Variants in PSD3 observed in about 807,000 individuals in gnomAD.
The protein encoded by PSD3 is PH and SEC7 domain-containing protein 3.
In PSD3, 49 loss-of-function variants were observed where a neutral mutation model predicts 105.5. That is an observed-to-expected ratio of 0.46 (90% CI 0.37 to 0.59). PSD3 has a LOEUF of 0.59. Ranked by LOEUF, PSD3 falls within the 20% of genes least tolerant of loss-of-function variation. PSD3 has a pLI of 0.00. For missense variants in PSD3, 1,561 were observed against 1,263.8 expected, an observed-to-expected ratio of 1.24 and a Z score of -3.57; for synonymous variants, 557 against 457.8, an observed-to-expected ratio of 1.22 and a Z score of -2.77.
Position 18,712,145 on chromosome 8 carries a change from A to AGT in PSD3, c.2172+53302_2172+53303dup, listed in dbSNP as rs1437571999. On this transcript the variant is annotated intron_variant, in intron 9 of 15. Coordinates refer to ENST00000327040, the MANE Select transcript of PSD3 (RefSeq NM_015310.4). The stretch of plus-strand genomic sequence containing the variant: ...AAGCAATGTTAAGAGGGACATTTAC[A>AGT]GTACTAAATGCCCACAGCAAAAAGC... Among the ~76,000 whole-genome samples, 9 of 152,276 alleles carry AGT rather than the reference A, an allele frequency of 5.9e-5. No individual in the cohort carries two copies. The East Asian group carries it at 1.7e-3, about 29-fold the overall frequency.
At chr8:18,689,486 A>T (rs1356727839) in intron 9 of PSD3, among the ~76,000 whole-genome samples, 2 of 152,160 alleles carry the variant, frequency 1.3e-5, no homozygotes. Context: ...TATAAATACC[A>T]ATTGTCTAGA....
chr8:19,047,556 T>C (rs940183060), intron 1 of PSD3, among the ~76,000 whole-genome samples: 1 of 152,080 alleles, frequency 6.6e-6, no homozygotes, highest in South Asian at 2.1e-4. Flanking sequence ...GAGGGAGCTA[T>C]AGAGTTTGAG....
chr8:18,827,206 T>C (rs545078010), intron 4 of PSD3, among the ~76,000 whole-genome samples: 5 of 152,244 alleles, frequency 3.3e-5, no homozygotes. Context: ...GAAAACTATA[T>C]GCAAGACAGA....
At chr8:18,796,627 G>T (rs1406508068) in intron 8 of PSD3, among the ~76,000 whole-genome samples, 1 of 152,128 alleles carries the variant, frequency 6.6e-6, no homozygotes, top group African/African-American at 2.4e-5. Flanking sequence ...TAAAGGAAAG[G>T]TTCACCAAGA....
At chr8:18,942,026 G>A (rs1005303781) in intron 1 of PSD3, among the ~76,000 whole-genome samples, 16 of 152,080 alleles carry the variant, frequency 1.1e-4, no homozygotes, top group African/African-American at 3.6e-4. Flanking sequence ...TCAAAAAGAC[G>A]AAGCAGAAAG....
At chr8:19,029,841 T>C (rs550391949) in intron 1 of PSD3, among the ~76,000 whole-genome samples, 1 of 152,226 alleles carries the variant, frequency 6.6e-6, no homozygotes, top group South Asian at 2.1e-4. Context: ...TTTATTTTTG[T>C]ATGTCGATCT....
chr8:18,985,227 C>A (rs181241071), intron 1 of PSD3, among the ~76,000 whole-genome samples: 2 of 152,318 alleles, frequency 1.3e-5, no homozygotes, highest in Admixed American at 1.3e-4. Flanking sequence ...AGTCACCGCG[C>A]CCGGTCATCC....
intron 9 of PSD3, among the ~76,000 whole-genome samples, chr8:18,743,959 TCACCACCACCAC>T (rs111311023): frequency 2.9e-5 from 4 of 138,810 alleles, no homozygotes; most frequent in Non-Finnish European, 4.5e-5. Context: ...ACTCTGTCTC[TCACCACCACCAC>T]CACCACCACC....
At chr8:18,948,483 C>G (rs1461139998) in intron 1 of PSD3, among the ~76,000 whole-genome samples, 1 of 152,204 alleles carries the variant, frequency 6.6e-6, no homozygotes, top group African/African-American at 2.4e-5. Flanking sequence ...TTCATAAATG[C>G]TCCTCTACTT....
chr8:18,724,638 AAAAAT>A (rs1188888805), intron 9 of PSD3, among the ~76,000 whole-genome samples: 7 of 152,060 alleles, frequency 4.6e-5, no homozygotes, highest in East Asian at 1.9e-4. Flanking sequence ...AAATAAAAAT[AAAAAT>A]AAAATAATTC....
intron 2 of PSD3, among the ~76,000 whole-genome samples, chr8:18,890,193 T>C (rs150659000): frequency 1.2e-3 from 177 of 152,336 alleles, no homozygotes; most frequent in East Asian, 3.9e-3. Flanking sequence ...AATAATTCCT[T>C]ATGTAAAGTA....
At chr8:18,620,131 ACT>A (rs1429922673) in intron 11 of PSD3, among the ~76,000 whole-genome samples, 1 of 152,042 alleles carries the variant, frequency 6.6e-6, no homozygotes, top group East Asian at 1.9e-4. Flanking sequence ...CAACAGCTTA[ACT>A]CTCTCAACCA....
intron 8 of PSD3, among the ~76,000 whole-genome samples, chr8:18,768,632 C>A (rs943630851): frequency 6.6e-6 from 1 of 152,160 alleles, no homozygotes; most frequent in African/African-American, 2.4e-5. Flanking sequence ...AATATGTATA[C>A]ACAACCTCAA....
intron 4 of PSD3, among the ~76,000 whole-genome samples, chr8:18,851,285 G>A (rs751128882): frequency 1.4e-4 from 21 of 152,222 alleles, no homozygotes; most frequent in Admixed American, 6.5e-5. Context: ...AAGGCCGGAA[G>A]TTGAGCCTAC....
At chr8:19,028,672 A>G (rs996795204) in intron 1 of PSD3, among the ~76,000 whole-genome samples, 2 of 152,166 alleles carry the variant, frequency 1.3e-5, no homozygotes, top group African/African-American at 4.8e-5. Flanking sequence ...TCTTTGAAGA[A>G]CAAATGTTTT....
At chr8:19,070,807 A>C (rs1443705534) in intron 1 of PSD3, among the ~76,000 whole-genome samples, 2 of 152,216 alleles carry the variant, frequency 1.3e-5, no homozygotes, top group Non-Finnish European at 2.9e-5. Context: ...AAATCACTGG[A>C]ACTCAGCACT....
At chr8:18,559,410 C>T (rs1167477543) in intron 14 of PSD3, among the ~76,000 whole-genome samples, 1 of 152,112 alleles carries the variant, frequency 6.6e-6, no homozygotes, top group African/African-American at 2.4e-5. Flanking sequence ...GTTTCCTCTT[C>T]TGTGGATTAC....
At chr8:18,787,345 G>A (rs1809263860) in intron 8 of PSD3, among the ~76,000 whole-genome samples, 1 of 152,124 alleles carries the variant, frequency 6.6e-6, no homozygotes, top group Admixed American at 6.6e-5. Flanking sequence ...CTGATGCATT[G>A]AGAGGTACAG....
intron 9 of PSD3, among the ~76,000 whole-genome samples, chr8:18,732,593 T>C (rs539456934): frequency 6.6e-6 from 1 of 152,310 alleles, no homozygotes; most frequent in Admixed American, 6.5e-5. Flanking sequence ...CTCCTACACA[T>C]GGCTTCTCCC....
Sources: gnomAD v4.1 joint callset for allele counts (sites outside exome capture counted in the v4.1 genomes callset) on GRCh38, gnomAD v4.1.1 for gene constraint, MANE v1.5 for transcripts, NCBI Gene and HGNC (gene_info 2026-07-23, HGNC 2026-07-21) for gene names.